ATP11B: variants seen among roughly 807,000 people sequenced by gnomAD.
The protein encoded by ATP11B is phospholipid-transporting ATPase IF.
In ATP11B, 81 loss-of-function variants were observed where a neutral mutation model predicts 157.8. The ratio of observed to expected loss-of-function variants is 0.51; its 90% CI spans 0.43 to 0.62. The LOEUF is 0.62. Ranked by LOEUF, ATP11B falls within the 20% of genes least tolerant of loss-of-function variation. The pLI is 0.00. For missense variants in ATP11B, 1,165 were observed against 1,402.2 expected, an observed-to-expected ratio of 0.83 and a Z score of 2.70; for synonymous variants, 451 against 469.4, an observed-to-expected ratio of 0.96 and a Z score of 0.51.
intron 22 of ATP11B, 26 bp downstream of exon 22, chr3:182,884,924 T>A (rs1305871197): frequency 8.1e-7 from 1 of 1,232,424 alleles, no homozygotes; most frequent in East Asian, 2.5e-5. Context: ...TTAGAATCAA[T>A]TATTGATATA....
intron 1 of ATP11B, among the ~76,000 whole-genome samples, chr3:182,797,025 C>CTG (rs1397344363): frequency 6.6e-6 from 1 of 152,194 alleles, no homozygotes; most frequent in African/African-American, 2.4e-5. Context: ...CCTCAACTTT[C>CTG]TGTTCTTCCT....
At chr3:182,819,835 T>C (rs995743305) in intron 1 of ATP11B, among the ~76,000 whole-genome samples, 1 of 152,160 alleles carries the variant, frequency 6.6e-6, no homozygotes, top group Non-Finnish European at 1.5e-5. Flanking sequence ...CATCACTGAG[T>C]AGAAATCCAT....
At chr3:182,868,292 T>C (rs1222377934) in intron 15 of ATP11B, among the ~76,000 whole-genome samples, 1 of 150,488 alleles carries the variant, frequency 6.6e-6, no homozygotes, top group African/African-American at 2.5e-5. Flanking sequence ...GTTTTAGCAA[T>C]TCTGATCATA....
At chr3:182,824,975 T>G (rs1208519572) in intron 2 of ATP11B, among the ~76,000 whole-genome samples, 3 of 152,262 alleles carry the variant, frequency 2.0e-5, no homozygotes, top group Non-Finnish European at 4.4e-5. Context: ...ATTTCAAGAA[T>G]GTAAATATTT....
At chr3:182,868,024 CTCA>C (rs1721375706) in intron 15 of ATP11B, among the ~76,000 whole-genome samples, 1 of 152,086 alleles carries the variant, frequency 6.6e-6, no homozygotes, top group South Asian at 2.1e-4. Context: ...TATATTGTAT[CTCA>C]TCATAGTTAT....
chr3:182,812,380 A>C (rs997586628), intron 1 of ATP11B, among the ~76,000 whole-genome samples: 8 of 152,180 alleles, frequency 5.3e-5, no homozygotes, highest in African/African-American at 1.9e-4. Context: ...GTTTATCTCC[A>C]ATCTGGATAC....
chr3:182,906,874 G>A (rs1724400330), intron 28 of ATP11B, among the ~76,000 whole-genome samples: 1 of 151,712 alleles, frequency 6.6e-6, no homozygotes, highest in Non-Finnish European at 1.5e-5. Flanking sequence ...GGATCATGAG[G>A]TCAGGAGACC....
chr3:182,917,029 C>G, intron 29 of ATP11B: 1 of 985,326 alleles, frequency 1.0e-6, no homozygotes, highest in Non-Finnish European at 1.2e-6. Context: ...CCTTCCCTAA[C>G]CTAAGGTAGA....
Position 182,885,998 on chromosome 3 carries a change from G to A in ATP11B, c.2703G>A (p.Leu901=). Residue 901 remains leucine, a synonymous_variant, in exon 23 of 30, where the codon TTG becomes TTA. Transcript: ENST00000323116. ...TPQFLYQFYC[L]FSQQTLYDSV... is the part of the protein sequence containing the mutation. ...AGTTTTTATATCAGTTCTACTGTTT[G>A]TTTTCTCAGCAAGTAAGTAAATAGA... 1.3e-6 allele frequency: 2 copies of A among 1,485,540 alleles called. No individual in the cohort carries two copies. Among genetic ancestry groups the A allele is most frequent in the Non-Finnish European group, 1.8e-6 (2 of 1,126,848 alleles). The allele number at this position is 1,485,540 out of a possible 1,614,324, so 92.0% of individuals were successfully genotyped here.
At chr3:182,914,040 T>C (rs770369141) in intron 29 of ATP11B, 46 bp downstream of exon 29, 4 of 1,608,988 alleles carry the variant, frequency 2.5e-6, no homozygotes, top group Non-Finnish European at 3.4e-6. Context: ...GAGTATCCTA[T>C]CTGGAACAGG....
chr3:182,816,926 T>C (rs367965867), intron 1 of ATP11B, among the ~76,000 whole-genome samples: 1 of 152,336 alleles, frequency 6.6e-6, no homozygotes, highest in East Asian at 1.9e-4. Flanking sequence ...AAGTTAATAT[T>C]AAATACTAAT....
chr3:182,920,062 C>T lies in ATP11B; in HGVS notation c.*1958C>T, dbSNP rs565879478. The T allele has an allele frequency of 4.6e-5, 7 of 152,214 alleles. No individual in the cohort carries two copies. The highest frequency in any genetic ancestry group is 1.4e-4 in the African/African-American group (6 of 41,522). 9.4% of individuals were successfully genotyped at this position (152,214 alleles called of 1,614,324 possible). A position where few individuals can be genotyped will look rare whatever the true frequency, so the allele number is the denominator to read the frequency against. ...TATAACAAAATGACACCCAGTAGGC[C>T]TGCATTACATTTACATGACCGTGTT... is the stretch of plus-strand genomic sequence containing the variant. On this transcript the variant is annotated 3_prime_UTR_variant, in exon 30 of 30. Transcript: ENST00000323116.
chr3:182,855,113 AAAAT>A (rs1720285366), intron 10 of ATP11B, among the ~76,000 whole-genome samples: 1 of 152,168 alleles, frequency 6.6e-6, no homozygotes. Context: ...TTGAAAATGA[AAAAT>A]AAAGTGAGAA....
intron 1 of ATP11B, among the ~76,000 whole-genome samples, chr3:182,810,281 G>A (rs373343921): frequency 3.9e-5 from 6 of 152,238 alleles, no homozygotes; most frequent in African/African-American, 9.6e-5. Flanking sequence ...GCAGCGAGCC[G>A]AGATGGCACC....
In ATP11B at chr3:182,921,017, G is replaced by A. The variant is rs1725449179; in HGVS notation, c.*2913G>A. 1.3e-5 allele frequency: 2 copies of A among 152,046 alleles called. No homozygotes were observed. Among genetic ancestry groups the A allele is most frequent in the African/African-American group, 4.8e-5 (2 of 41,310 alleles). The allele number at this position is 152,046 out of a possible 1,614,324, so 9.4% of individuals were successfully genotyped here. A position where few individuals can be genotyped will look rare whatever the true frequency, so the allele number is the denominator to read the frequency against. On this transcript the variant is annotated 3_prime_UTR_variant, in exon 30 of 30. Transcript: ENST00000323116. ...GAGGTCATTTCTACTGGAAAAGATT[G>A]TGAGATTGAACTTATCTGATCGCTT...
intron 12 of ATP11B, 73 bp from the exon 13 acceptor site, chr3:182,865,383 A>C: frequency 3.4e-6 from 5 of 1,478,658 alleles, no homozygotes; most frequent in Non-Finnish European, 4.6e-6. Flanking sequence ...GAGCGAGGAC[A>C]GAGATTTTTT....
chr3:182,918,896 C>G lies in ATP11B; in HGVS notation c.*792C>G, dbSNP rs1048726218. On this transcript the variant is annotated 3_prime_UTR_variant, in exon 30 of 30. Coordinates refer to ENST00000323116, the MANE Select transcript of ATP11B (RefSeq NM_014616.3). The stretch of plus-strand genomic sequence containing the variant: ...TAGTGGGTAAATTAGATACTATTAG[C>G]ATATTATTAATTTAATGTCTTTATC... The G allele has an allele frequency of 6.6e-6, 1 of 152,120 alleles. No homozygotes were observed. Among genetic ancestry groups the G allele is most frequent in the Non-Finnish European group, 1.5e-5 (1 of 68,054 alleles). The allele number at this position is 152,120 out of a possible 1,614,324, so 9.4% of individuals were successfully genotyped here.
intron 17 of ATP11B, among the ~76,000 whole-genome samples, chr3:182,871,982 A>G (rs1408666530): frequency 1.3e-5 from 2 of 151,888 alleles, no homozygotes; most frequent in Non-Finnish European, 2.9e-5. Context: ...TGCCCGCCCA[A>G]TTTTTTGTAT....
Position 182,857,960 on chromosome 3 carries a change from C to T in ATP11B, c.934C>T (p.Gln312Ter). ...CAGCACTATCTTGAAGTATACATGG[C>T]AAGCTGAAGAAAAATGGGATGAACC... ...VISTILKYTW[Q>*]AEEKWDEPWY... Residue 312 changes from glutamine (Q) to a stop codon, truncating the protein, a stop_gained, in exon 11 of 30, where the codon CAA (glutamine) becomes TAA (stop). Coordinates refer to ENST00000323116, the MANE Select transcript of ATP11B (RefSeq NM_014616.3). LOFTEE classifies it high-confidence loss of function. The T allele has an allele frequency of 1.2e-6, 2 of 1,610,426 alleles. No homozygotes were observed. Among genetic ancestry groups the T allele is most frequent in the Non-Finnish European group, 1.7e-6 (2 of 1,177,100 alleles).
Sources: gnomAD v4.1 joint callset for allele counts (sites outside exome capture counted in the v4.1 genomes callset) on GRCh38, gnomAD v4.1.1 for gene constraint, MANE v1.5 for transcripts, NCBI Gene and HGNC (gene_info 2026-07-23, HGNC 2026-07-21) for gene names.